The following TSPAN9 variants were observed in gnomAD, a reference collection of about 807,000 sequenced individuals.
TSPAN9 encodes tetraspanin-9.
TSPAN9 carries 16 observed loss-of-function variants against 31.0 expected under a neutral mutation model. That is an observed-to-expected ratio of 0.52 (90% CI 0.35 to 0.78). The LOEUF is 0.78. Ranked by LOEUF, TSPAN9 falls within the 30% of genes least tolerant of loss-of-function variation. TSPAN9 has a pLI of 0.01. For synonymous variants in TSPAN9, 145 were observed against 121.6 expected (o/e 1.19, Z -1.27); for missense variants, 272 against 312.5 (o/e 0.87, Z 0.98).
At chr12:3,210,390 T>C (rs1051172585) in intron 3 of TSPAN9, among the ~76,000 whole-genome samples, 1 of 152,216 alleles carries the variant, frequency 6.6e-6, no homozygotes, top group Admixed American at 6.5e-5. Context: ...TATATTATAA[T>C]GGTTTTAATT....
chr12:3,112,279 C>A (rs2098319304), intron 2 of TSPAN9, among the ~76,000 whole-genome samples: 1 of 150,482 alleles, frequency 6.6e-6, no homozygotes, highest in African/African-American at 2.5e-5. Flanking sequence ...TGGGTTCAAG[C>A]AATTCTCCTG....
chr12:3,128,588 G>C (rs1423933899), intron 2 of TSPAN9, among the ~76,000 whole-genome samples: 2 of 152,082 alleles, frequency 1.3e-5, no homozygotes, highest in African/African-American at 4.8e-5. Context: ...CCCCACGAAA[G>C]GCTGAATTAC....
chr12:3,132,954 T>A (rs994467609), intron 2 of TSPAN9, among the ~76,000 whole-genome samples: 1 of 152,102 alleles, frequency 6.6e-6, no homozygotes, highest in Admixed American at 6.5e-5. Context: ...TCCTGCCTCC[T>A]CCAGATTGTC....
intron 2 of TSPAN9, among the ~76,000 whole-genome samples, chr12:3,125,971 C>G (rs7314280): frequency 6.6e-6 from 1 of 152,072 alleles, no homozygotes; most frequent in African/African-American, 2.4e-5. Flanking sequence ...GCAATATTCC[C>G]TCCCAACAAT....
intron 3 of TSPAN9, among the ~76,000 whole-genome samples, chr12:3,271,967 T>C (rs1364443648): frequency 1.3e-5 from 2 of 152,226 alleles, no homozygotes; most frequent in Admixed American, 1.3e-4. Context: ...AAATTAAAGC[T>C]GTTTTGGTTT....
intron 3 of TSPAN9, among the ~76,000 whole-genome samples, chr12:3,212,333 A>G (rs551197024): frequency 7.7e-4 from 117 of 152,342 alleles, no homozygotes; most frequent in African/African-American, 2.7e-3. Context: ...ATTCATGAAC[A>G]TGGTATATTT....
chr12:3,208,805 G>A (rs2098376693), intron 3 of TSPAN9, among the ~76,000 whole-genome samples: 1 of 152,228 alleles, frequency 6.6e-6, no homozygotes, highest in African/African-American at 2.4e-5. Flanking sequence ...CCCAGCTTCT[G>A]CCTGAGAGAG....
At chr12:3,109,307 A>T (rs11062503) in intron 2 of TSPAN9, among the ~76,000 whole-genome samples, 103,199 of 143,094 alleles carry the variant, frequency 0.72, 39,472 homozygotes, top group South Asian at 0.9. Context: ...TGTGAGAGAG[A>T]GTGTGTGTGT....
chr12:3,175,339 A>T (rs1367174194), intron 2 of TSPAN9, among the ~76,000 whole-genome samples: 1 of 152,152 alleles, frequency 6.6e-6, no homozygotes. Context: ...GAGGCAGAGA[A>T]GGAGGTGGAG....
chr12:3,142,989 G>A lies in TSPAN9; in HGVS notation c.-17-58188G>A, dbSNP rs142412035. Among the ~76,000 whole-genome samples the A allele has an allele frequency of 3.7e-3, 570 of 152,200 alleles. 2 individuals carry two copies. Among genetic ancestry groups the A allele is most frequent in the African/African-American group, 0.013 (551 of 41,504 alleles). ...TCTTTCATGACCTTGACAGTGGTGA[G>A]GAGTGCTGCTCGGTCACTCTGCAGG... is the stretch of plus-strand genomic sequence containing the variant. On this transcript the variant is annotated intron_variant, in intron 2 of 8. Transcript: ENST00000011898.
intron 2 of TSPAN9, among the ~76,000 whole-genome samples, chr12:3,188,006 C>T (rs910531891): frequency 2.0e-5 from 3 of 152,132 alleles, no homozygotes; most frequent in African/African-American, 7.2e-5. Flanking sequence ...GGGTGGCGTA[C>T]CTATGGGTGC....
In TSPAN9 at chr12:3,278,452, T is replaced by C. The variant is rs978282755; in HGVS notation, c.95T>C (p.Ile32Thr). Residue 32 changes from isoleucine (I) to threonine (T), a missense_variant, in exon 4 of 9, where the codon ATC (isoleucine) becomes ACC (threonine). Physicochemically the swap from Ile to Thr is moderately conservative, Grantham distance 89 (BLOSUM62 -1). Transcript: ENST00000011898. ...GGCTGTGGGCTGCTGGGAGTGGGCA[T>C]CTGGCTCTCCGTGTCCCAAGGCAAC... is the stretch of plus-strand genomic sequence containing the variant. ...LCGCGLLGVG[I>T]WLSVSQGNFA... is the part of the protein sequence containing the mutation. The C allele has an allele frequency of 1.2e-6, 2 of 1,614,224 alleles. No individual in the cohort carries two copies. The highest frequency in any genetic ancestry group is 1.7e-6 in the Non-Finnish European group (2 of 1,180,036).
intron 2 of TSPAN9, among the ~76,000 whole-genome samples, chr12:3,198,270 G>T (rs2098368459): frequency 9.8e-6 from 1 of 101,840 alleles, no homozygotes; most frequent in Non-Finnish European, 2.1e-5. Flanking sequence ...CACCAGCACA[G>T]GCCACCACCA....
chr12:3,151,360 T>C (rs1057477873), intron 2 of TSPAN9: 1 of 152,236 alleles, frequency 6.6e-6, no homozygotes, highest in African/African-American at 2.4e-5. Context: ...AAGCCCGTGG[T>C]GGGGTGGATT....
intron 2 of TSPAN9, among the ~76,000 whole-genome samples, chr12:3,112,177 C>CTT (rs138645701): frequency 2.6e-5 from 3 of 115,640 alleles, no homozygotes; most frequent in South Asian, 2.7e-4. Flanking sequence ...TGTAATGTTC[C>CTT]TTTTTTTTTT....
rs199774993 is a variant in TSPAN9, at chr12:3,283,110, C to T, written c.714C>T (p.Asp238=). Residue 238 remains aspartate (D), a synonymous_variant, in exon 9 of 9, where the codon GAC becomes GAT. Coordinates refer to ENST00000011898, the MANE Select transcript of TSPAN9 (RefSeq NM_006675.5). The part of the protein sequence containing the change: ...QHIHRTGKKY[D]A The stretch of plus-strand genomic sequence containing the variant: ...TCCACCGGACTGGTAAGAAGTACGA[C>T]GCATGAGCGGGCTGGCCGGGAGTGC... The T allele has an allele frequency of 1.0e-4, 167 of 1,608,648 alleles. No individual in the cohort carries two copies. Among genetic ancestry groups the T allele is most frequent in the Admixed American group, 3.0e-4 (18 of 60,008 alleles).
intron 1 of TSPAN9, among the ~76,000 whole-genome samples, chr12:3,079,016 G>A (rs1342744546): frequency 7.0e-6 from 1 of 142,476 alleles, no homozygotes; most frequent in African/African-American, 2.6e-5. Flanking sequence ...GTCTCACTCT[G>A]TTGCCCAGGC....
chr12:3,165,221 G>T, intron 2 of TSPAN9, among the ~76,000 whole-genome samples: 1 of 152,276 alleles, frequency 6.6e-6, no homozygotes. Context: ...TGGAATGAAG[G>T]TCTTTGGACC....
chr12:3,121,872 G>A (rs2098325298), intron 2 of TSPAN9, among the ~76,000 whole-genome samples: 1 of 152,076 alleles, frequency 6.6e-6, no homozygotes, highest in African/African-American at 2.4e-5. Context: ...CCACCTTGTA[G>A]GTACTTGAGT....
Sources: allele counts gnomAD v4.1 joint callset (sites outside exome capture counted in the v4.1 genomes callset), GRCh38; gene constraint gnomAD v4.1.1; transcripts MANE v1.5; gene names NCBI Gene and HGNC (gene_info 2026-07-23, HGNC 2026-07-21).